The following SMC2 variants were observed in gnomAD, a reference collection of about 807,000 sequenced individuals.
SMC2 encodes structural maintenance of chromosomes protein 2.
A neutral mutation model predicts 142.6 loss-of-function variants in SMC2; 41 were observed. The ratio of observed to expected loss-of-function variants is 0.29; its 90% CI spans 0.22 to 0.37. SMC2 has a LOEUF of 0.37. Ranked by LOEUF, SMC2 falls within the 10% of genes least tolerant of loss-of-function variation. The pLI is 1.00. For synonymous variants in SMC2, 463 were observed against 457.5 expected, an observed-to-expected ratio of 1.01 and a Z score of -0.15; for missense variants, 1,265 against 1,373.7, an observed-to-expected ratio of 0.92 and a Z score of 1.25.
At chr9:104,100,794 CAG>C (rs1461130055) in intron 7 of SMC2, among the ~76,000 whole-genome samples, 2 of 152,132 alleles carry the variant, frequency 1.3e-5, no homozygotes, top group African/African-American at 4.8e-5. Context: ...TCCAGGATAA[CAG>C]GGGCTATCAC....
At chr9:104,094,692 C>T (rs1023999207) in intron 1 of SMC2, 1 of 355,900 alleles carries the variant, frequency 2.8e-6, no homozygotes, top group African/African-American at 2.1e-5. Context: ...GAGGTAAAAG[C>T]CTGAGTAAAA....
chr9:104,102,148 A>G lies in SMC2; in HGVS notation c.825A>G (p.Lys275=), dbSNP rs978828938. 3 of 1,582,496 alleles carry G rather than the reference A, an allele frequency of 1.9e-6. No individual in the cohort carries two copies. The highest frequency in any genetic ancestry group is 3.4e-5 in the Admixed American group (2 of 59,216). ...TGTCTGAGAATGATAAAAAAATAAA[A>G]GCACTTAATCATGAAATAGAAGAAT... ...EELSENDKKI[K]ALNHEIEELE... Residue 275 remains lysine (K), a synonymous_variant, in exon 8 of 25, where the codon AAA becomes AAG. Coordinates refer to ENST00000374793, the MANE Select transcript of SMC2 (RefSeq NM_006444.3).
chr9:104,115,439 G>T (rs530194785), intron 13 of SMC2, among the ~76,000 whole-genome samples: 3 of 152,126 alleles, frequency 2.0e-5, no homozygotes, highest in Admixed American at 2.0e-4. Flanking sequence ...CCCAGGCGTA[G>T]TGGCGTGCGC....
At chr9:104,131,362 A>T (rs1834943336) in intron 21 of SMC2, among the ~76,000 whole-genome samples, 1 of 152,174 alleles carries the variant, frequency 6.6e-6, no homozygotes, top group Non-Finnish European at 1.5e-5. Context: ...GTTTAATGCC[A>T]TAAAGTCAAG....
At chr9:104,137,962 G>A in intron 23 of SMC2, 56 bp from the exon 24 acceptor site, 1 of 1,336,240 alleles carries the variant, frequency 7.5e-7, no homozygotes, top group South Asian at 1.7e-5. Context: ...TTGCTTCAGT[G>A]TTTTGATAAG....
chr9:104,128,658 A>G (rs749149276), intron 20 of SMC2, among the ~76,000 whole-genome samples: 32 of 152,252 alleles, frequency 2.1e-4, no homozygotes, highest in Non-Finnish European at 4.1e-4. Flanking sequence ...TGGAATTAAT[A>G]CAAGTCAATA....
At chr9:104,096,372 A>G (rs1159795311) in intron 3 of SMC2, 75 bp downstream of exon 3, 2 of 1,420,092 alleles carry the variant, frequency 1.4e-6, no homozygotes, top group East Asian at 2.3e-5. Flanking sequence ...ATGCCTTTGC[A>G]AAACGTGCTA....
Position 104,102,495 on chromosome 9 carries a change from A to G in SMC2, c.942A>G (p.Gln314=), listed in dbSNP as rs866308203. 4.3e-6 allele frequency: 7 copies of G among 1,613,836 alleles called. No homozygotes were observed. The Middle Eastern group carries it at 1.2e-3, about 266-fold the overall frequency. Residue 314 remains glutamine (Q), a synonymous_variant, in exon 9 of 25, where the codon CAA becomes CAG. Transcript: ENST00000374793. ...CTCAGCGAGTTAATACTAAATCTCA[A>G]AGCGCATTTGATCTCAAGAAGAAAA... ...AEAQRVNTKS[Q]SAFDLKKKNL...
intron 16 of SMC2, among the ~76,000 whole-genome samples, chr9:104,121,842 C>G (rs28380533): frequency 2.6e-5 from 4 of 151,948 alleles, no homozygotes; most frequent in African/African-American, 9.7e-5. Flanking sequence ...GTGCAGTGGC[C>G]CGATCTCGGC....
intron 15 of SMC2, 53 bp downstream of exon 15, chr9:104,118,428 G>A: frequency 6.9e-7 from 1 of 1,453,762 alleles, no homozygotes; most frequent in East Asian, 2.3e-5. Context: ...ATAGGAAGAT[G>A]CCTTTTTTAA....
At chr9:104,115,516 G>T (rs915532342) in intron 13 of SMC2, among the ~76,000 whole-genome samples, 1 of 135,904 alleles carries the variant, frequency 7.4e-6, no homozygotes, top group South Asian at 2.1e-4. Context: ...TGGAGGTTGC[G>T]GTAAGCTGCG....
At chr9:104,134,988 G>A (rs1835377655) in intron 23 of SMC2, among the ~76,000 whole-genome samples, 1 of 151,992 alleles carries the variant, frequency 6.6e-6, no homozygotes, top group Non-Finnish European at 1.5e-5. Context: ...CTTGGCATTA[G>A]GTCTCTACTG....
At chr9:104,127,581 A>C in intron 20 of SMC2, 101 bp downstream of exon 20, 1 of 794,482 alleles carries the variant, frequency 1.3e-6, no homozygotes, top group Non-Finnish European at 1.8e-6. Flanking sequence ...ATAAATATAA[A>C]TGGCAAAATT....
chr9:104,100,083 G>C lies in SMC2; in HGVS notation c.481-10G>C, dbSNP rs1830936675. On this transcript the variant is annotated splice_polypyrimidine_tract_variant and intron_variant, in intron 5 of 24. Coordinates refer to ENST00000374793, the MANE Select transcript of SMC2 (RefSeq NM_006444.3). ...TTGGATACTAAACATTAATAAAATT[G>C]TCATTCCAGATTTTATCCATGATAG... 6.4e-6 allele frequency: 9 copies of C among 1,402,212 alleles called. No homozygotes were observed. The highest frequency in any genetic ancestry group is 8.9e-6 in the Non-Finnish European group (9 of 1,013,244). 86.9% of individuals were successfully genotyped at this position (1,402,212 alleles called of 1,614,324 possible). A position where few individuals can be genotyped will look rare whatever the true frequency, so the allele number is the denominator to read the frequency against.
At position 104,100,243 on chromosome 9, in the gene SMC2, A is replaced by G. The variant is rs950407436; in HGVS notation, c.591+40A>G. On this transcript the variant is annotated intron_variant, in intron 6 of 24. Coordinates refer to ENST00000374793, the MANE Select transcript of SMC2 (RefSeq NM_006444.3). Reference sequence around the variant, plus strand: ...ATAAAATATTTTCGGAGAAGAATGTAATTTTGCATGTAGAGTTTTTGCTGT... The same window carrying G: ...ATAAAATATTTTCGGAGAAGAATGTGATTTTGCATGTAGAGTTTTTGCTGT... 8 of 1,455,992 alleles carry G rather than the reference A, an allele frequency of 5.5e-6. No individual in the cohort carries two copies. The African/African-American group carries it at 7.2e-5, about 13-fold the overall frequency. The allele number at this position is 1,455,992 out of a possible 1,614,324, so 90.2% of individuals were successfully genotyped here. A position where few individuals can be genotyped will look rare whatever the true frequency, so the allele number is the denominator to read the frequency against.
chr9:104,099,525 C>T, intron 4 of SMC2, 119 bp from the exon 5 acceptor site: 1 of 637,236 alleles, frequency 1.6e-6, no homozygotes, highest in Non-Finnish European at 2.8e-6. Context: ...GAGGAAAGAC[C>T]CCCCCAAAGA....
Position 104,127,560 on chromosome 9 carries a change from TAG to T in SMC2, c.2790+84_2790+85del, listed in dbSNP as rs1463692405. The T allele has an allele frequency of 7.2e-5, 76 of 1,049,530 alleles. No homozygotes were observed. The African/African-American group carries it at 1.1e-3, about 16-fold the overall frequency. 65.0% of individuals were successfully genotyped at this position (1,049,530 alleles called of 1,614,324 possible). ...TGAAAAAATTTAGAAAACTGCTTGA[TAG>T]AGAACTCTATAAATATAAATGGCAA... is the stretch of plus-strand genomic sequence containing the variant. On this transcript the variant is annotated intron_variant, in intron 20 of 24. Coordinates refer to ENST00000374793, the MANE Select transcript of SMC2 (RefSeq NM_006444.3).
In SMC2 at chr9:104,095,546, G is replaced by C; in HGVS notation, c.162G>C (p.Leu54=). The C allele has an allele frequency of 4.3e-6, 7 of 1,613,086 alleles. No individual in the cohort carries two copies. The highest frequency in any genetic ancestry group is 5.9e-6 in the Non-Finnish European group (7 of 1,179,178). ...SICFLLGISN[L]SQVRASNLQD... ...GCTTTTTGCTGGGCATCTCCAACCT[G>C]TCTCAGGTAAAGTGTAAACTTTCTG... The change falls in exon 2 of 25, where the codon CTG becomes CTC. Residue 54 remains leucine (L), a synonymous_variant. Coordinates refer to ENST00000374793, the MANE Select transcript of SMC2 (RefSeq NM_006444.3).
At chr9:104,094,639 A>G (rs1427050163) in intron 1 of SMC2, 162 bp downstream of exon 1, 1 of 374,986 alleles carries the variant, frequency 2.7e-6, no homozygotes, top group Non-Finnish European at 4.7e-6. Context: ...CTTCTGTTCG[A>G]CCTTGGAGTA....
Sources: allele counts gnomAD v4.1 joint callset (sites outside exome capture counted in the v4.1 genomes callset), GRCh38; gene constraint gnomAD v4.1.1; transcripts MANE v1.5; gene names NCBI Gene and HGNC (gene_info 2026-07-23, HGNC 2026-07-21).